The following NRG3 variants were observed in gnomAD, a reference collection of about 807,000 sequenced individuals.
NRG3 encodes the protein neuregulin 3, also known as pro-neuregulin-3, membrane-bound isoform.
In NRG3, 31 loss-of-function variants were observed where a neutral mutation model predicts 66.9. That is an observed-to-expected ratio of 0.46 (90% CI 0.35 to 0.63). NRG3 has a LOEUF of 0.63. Ranked by LOEUF, NRG3 falls within the 20% of genes least tolerant of loss-of-function variation. The pLI is 0.00. For synonymous variants in NRG3, 393 were observed against 359.4 expected, an observed-to-expected ratio of 1.09 and a Z score of -1.06; for missense variants, 910 against 878.9, an observed-to-expected ratio of 1.04 and a Z score of -0.45.
At chr10:82,158,740 T>C (rs2071360865) in intron 1 of NRG3, among the ~76,000 whole-genome samples, 1 of 151,880 alleles carries the variant, frequency 6.6e-6, no homozygotes, top group Non-Finnish European at 1.5e-5. Flanking sequence ...CCACAAATGC[T>C]TACTCTTGAA....
Position 81,875,867 on chromosome 10 carries a change from G to A in NRG3, c.527G>A (p.Arg176Gln), listed in dbSNP as rs375570971. Reference protein sequence around the residue: ...TRFPGHRVPIRASPRSTTARN... With the variant: ...TRFPGHRVPIQASPRSTTARN... The stretch of plus-strand genomic sequence containing the variant: ...TTCCCCGGGCACCGGGTGCCCATCC[G>A]GGCCAGCCCGCGCTCCACCACAGCA... Residue 176 changes from arginine to glutamine, a missense_variant, in exon 1 of 9, where the codon CGG becomes CAG. Physicochemically the swap from Arg to Gln is conservative, Grantham distance 43. Transcript: ENST00000372141. This position sits in a 1 kb window ranked among gnomAD's most constrained non-coding sequence, Gnocchi z 5.3. 4.3e-6 allele frequency: 7 copies of A among 1,610,388 alleles called. No individual in the cohort carries two copies. In the African/African-American group the frequency reaches 9.3e-5, roughly 21 times the overall value.
At chr10:82,138,669 G>A (rs938196679) in intron 1 of NRG3, among the ~76,000 whole-genome samples, 1 of 152,156 alleles carries the variant, frequency 6.6e-6, no homozygotes, top group Non-Finnish European at 1.5e-5. Context: ...GAATCAGCGC[G>A]AGTACCAAAA....
At chr10:81,926,285 T>A (rs1391888340) in intron 1 of NRG3, among the ~76,000 whole-genome samples, 4 of 150,914 alleles carry the variant, frequency 2.7e-5, no homozygotes, top group Non-Finnish European at 5.9e-5. Context: ...AGCCAGATAC[T>A]TTTTTTTTGT....
chr10:82,019,142 T>C (rs2061933584), intron 1 of NRG3, among the ~76,000 whole-genome samples: 1 of 152,324 alleles, frequency 6.6e-6, no homozygotes, highest in Non-Finnish European at 1.5e-5. Context: ...GTTTTTAGCA[T>C]GAAGGGCTGT....
At chr10:82,461,989 G>C (rs2091537180) in intron 2 of NRG3, among the ~76,000 whole-genome samples, 1 of 152,202 alleles carries the variant, frequency 6.6e-6, no homozygotes, top group East Asian at 1.9e-4. Flanking sequence ...AAATTAGCCA[G>C]ACATGGTGGC....
At chr10:81,948,768 T>C (rs1201378964) in intron 1 of NRG3, among the ~76,000 whole-genome samples, 1 of 152,216 alleles carries the variant, frequency 6.6e-6, no homozygotes, top group Non-Finnish European at 1.5e-5. Context: ...CCACACTGAT[T>C]GCAAATTTGT....
intron 1 of NRG3, among the ~76,000 whole-genome samples, chr10:81,911,470 A>G (rs962681415): frequency 2.6e-5 from 4 of 152,002 alleles, no homozygotes; most frequent in Non-Finnish European, 4.4e-5. Flanking sequence ...TGCAGCTGCA[A>G]TGGAAATGCC....
At chr10:82,188,296 C>T (rs775767342) in intron 1 of NRG3, among the ~76,000 whole-genome samples, 4 of 152,100 alleles carry the variant, frequency 2.6e-5, no homozygotes, top group Non-Finnish European at 4.4e-5. Context: ...TCACCATATA[C>T]AAACATCAAA....
intron 1 of NRG3, among the ~76,000 whole-genome samples, chr10:82,082,952 T>C (rs955019456): frequency 6.6e-6 from 1 of 152,168 alleles, no homozygotes; most frequent in African/African-American, 2.4e-5. Flanking sequence ...ACATTCTTTT[T>C]TTTTTTCAGA....
chr10:82,769,755 A>C (rs2059646470), intron 3 of NRG3, among the ~76,000 whole-genome samples: 1 of 152,126 alleles, frequency 6.6e-6, no homozygotes. Flanking sequence ...GGATTTATGT[A>C]ATTCTTCCTA....
chr10:82,222,426 A>G (rs1216662597), intron 1 of NRG3, among the ~76,000 whole-genome samples: 1 of 152,100 alleles, frequency 6.6e-6, no homozygotes, highest in African/African-American at 2.4e-5. Flanking sequence ...TCCATATGGG[A>G]CAGACAGTTC....
intron 1 of NRG3, among the ~76,000 whole-genome samples, chr10:81,967,508 G>T (rs1238571266): frequency 1.3e-5 from 2 of 151,986 alleles, no homozygotes; most frequent in African/African-American, 4.8e-5. Flanking sequence ...TGTGGTGGGT[G>T]AAAAGTCGTA....
chr10:82,699,250 GGGAAGGAA>G (rs71822119), intron 2 of NRG3, among the ~76,000 whole-genome samples: 47,090 of 147,970 alleles, frequency 0.32, 9,027 homozygotes, highest in African/African-American at 0.54. Context: ...GAAGGAAAGA[GGGAAGGAA>G]GGAAGGAAGG....
chr10:82,582,651 A>G (rs1160441459), intron 2 of NRG3, among the ~76,000 whole-genome samples: 1 of 147,008 alleles, frequency 6.8e-6, no homozygotes, highest in Admixed American at 6.9e-5. Context: ...AGGGAAAAAT[A>G]TCTATATGTG....
intron 2 of NRG3, among the ~76,000 whole-genome samples, chr10:82,660,054 G>T (rs568951904): frequency 1.3e-5 from 2 of 151,458 alleles, no homozygotes; most frequent in African/African-American, 4.8e-5. Context: ...AAATTATCTG[G>T]GCATGGTGGT....
intron 3 of NRG3, among the ~76,000 whole-genome samples, chr10:82,753,085 A>G (rs1051612515): frequency 7.9e-5 from 12 of 152,158 alleles, no homozygotes; most frequent in African/African-American, 2.7e-4. Context: ...CCTCATTGTC[A>G]TACTACTAGA....
intron 1 of NRG3, among the ~76,000 whole-genome samples, chr10:82,080,434 C>A (rs1253659361): frequency 6.6e-6 from 1 of 152,024 alleles, no homozygotes; most frequent in Non-Finnish European, 1.5e-5. Context: ...TTATATGACC[C>A]CATATATGAC....
intron 1 of NRG3, among the ~76,000 whole-genome samples, chr10:82,208,129 G>A (rs2075217411): frequency 6.6e-6 from 1 of 152,108 alleles, no homozygotes; most frequent in Non-Finnish European, 1.5e-5. Flanking sequence ...TTTAACTTAA[G>A]TCTCATCGAT....
At chr10:82,125,337 C>T (rs1162706917) in intron 1 of NRG3, among the ~76,000 whole-genome samples, 1 of 151,956 alleles carries the variant, frequency 6.6e-6, no homozygotes, top group African/African-American at 2.4e-5. Flanking sequence ...GTGATCTTCA[C>T]CAAACTCTGC....
Sources: allele counts gnomAD v4.1 joint callset (sites outside exome capture counted in the v4.1 genomes callset), GRCh38; gene constraint gnomAD v4.1.1; non-coding constraint Gnocchi (gnomAD v3.1); transcripts MANE v1.5; gene names NCBI Gene and HGNC (gene_info 2026-07-23, HGNC 2026-07-21).